The following LRRTM4 variants were observed in gnomAD, a reference collection of about 807,000 sequenced individuals.
The protein encoded by LRRTM4 is leucine-rich repeat transmembrane neuronal protein 4.
Under a neutral mutation model 47.6 loss-of-function variants are expected in LRRTM4, and 25 were observed. The ratio of observed to expected loss-of-function variants is 0.53; its 90% CI spans 0.38 to 0.73. The LOEUF is 0.73. LRRTM4 is among the 30% of genes least tolerant of loss of function. The pLI is 0.00. For missense variants in LRRTM4, 638 were observed against 713.4 expected (o/e 0.89, Z 1.20); for synonymous variants, 311 against 269.5 (o/e 1.15, Z -1.51).
intron 3 of LRRTM4, among the ~76,000 whole-genome samples, chr2:77,022,080 G>C (rs1216341005): frequency 6.6e-6 from 1 of 152,158 alleles, no homozygotes; most frequent in Non-Finnish European, 1.5e-5. Context: ...TGGACTTAAA[G>C]TTCCACATGG....
At chr2:76,995,228 A>C (rs1376816825) in intron 3 of LRRTM4, among the ~76,000 whole-genome samples, 1 of 152,078 alleles carries the variant, frequency 6.6e-6, no homozygotes, top group Non-Finnish European at 1.5e-5. Flanking sequence ...CTATGAATTA[A>C]GTTTACACAT....
At chr2:77,167,451 G>T (rs953604608) in intron 3 of LRRTM4, among the ~76,000 whole-genome samples, 5 of 151,982 alleles carry the variant, frequency 3.3e-5, no homozygotes, top group African/African-American at 1.2e-4. Flanking sequence ...CCCATTACTG[G>T]GTATATACCC....
At chr2:76,840,034 C>G (rs1671627004) in intron 3 of LRRTM4, among the ~76,000 whole-genome samples, 1 of 152,118 alleles carries the variant, frequency 6.6e-6, no homozygotes, top group Admixed American at 6.6e-5. Context: ...TGCCTAAATA[C>G]TGTTCTACTC....
chr2:77,261,843 C>T (rs1338933901), intron 3 of LRRTM4, among the ~76,000 whole-genome samples: 1 of 152,044 alleles, frequency 6.6e-6, no homozygotes, highest in Non-Finnish European at 1.5e-5. Flanking sequence ...CAGTAGAGGT[C>T]CTATACAACA....
intron 3 of LRRTM4, among the ~76,000 whole-genome samples, chr2:77,226,598 C>A (rs1456103265): frequency 6.7e-6 from 1 of 149,848 alleles, no homozygotes; most frequent in Non-Finnish European, 1.5e-5. Context: ...TGCACTTAAT[C>A]ATTTTTAAAG....
intron 3 of LRRTM4, among the ~76,000 whole-genome samples, chr2:76,948,710 T>C (rs1380192717): frequency 6.6e-6 from 1 of 151,816 alleles, no homozygotes; most frequent in East Asian, 1.9e-4. Context: ...AATATTACAA[T>C]AGCAACTGGA....
chr2:77,487,955 T>G (rs1347657018), intron 3 of LRRTM4, among the ~76,000 whole-genome samples: 1 of 152,186 alleles, frequency 6.6e-6, no homozygotes, highest in Non-Finnish European at 1.5e-5. Flanking sequence ...CACCCTCCAG[T>G]TGTCAGCATA....
intron 3 of LRRTM4, among the ~76,000 whole-genome samples, chr2:77,427,469 G>C (rs1342670153): frequency 1.3e-5 from 2 of 152,142 alleles, no homozygotes; most frequent in East Asian, 3.9e-4. Context: ...GGACATGTTT[G>C]CTAAGTGAAA....
intron 3 of LRRTM4, among the ~76,000 whole-genome samples, chr2:77,336,351 C>T (rs1671168961): frequency 6.6e-6 from 1 of 151,978 alleles, no homozygotes; most frequent in South Asian, 2.1e-4. Flanking sequence ...ACATTTTTGC[C>T]ACATCCTATG....
chr2:77,053,550 C>T (rs1679508976), intron 3 of LRRTM4, among the ~76,000 whole-genome samples: 1 of 152,024 alleles, frequency 6.6e-6, no homozygotes, highest in Non-Finnish European at 1.5e-5. Context: ...TTATTCCAGG[C>T]CTAAAATGAT....
At chr2:76,787,295 C>A (rs975265223) in intron 3 of LRRTM4, among the ~76,000 whole-genome samples, 1 of 152,070 alleles carries the variant, frequency 6.6e-6, no homozygotes, top group Non-Finnish European at 1.5e-5. Flanking sequence ...TTTGGATTTG[C>A]ATTATAAATA....
At chr2:77,300,935 T>A (rs1169070733) in intron 3 of LRRTM4, among the ~76,000 whole-genome samples, 1 of 151,490 alleles carries the variant, frequency 6.6e-6, no homozygotes, top group African/African-American at 2.4e-5. Flanking sequence ...CTAAATGGAA[T>A]TTTTTTTTAC....
chr2:76,769,538 A>C (rs1410549739), intron 3 of LRRTM4, among the ~76,000 whole-genome samples: 8 of 152,150 alleles, frequency 5.3e-5, no homozygotes, highest in Non-Finnish European at 1.2e-4. Flanking sequence ...AAAAAAACAA[A>C]AATAATAACG....
At chr2:77,469,030 G>A (rs1677087598) in intron 3 of LRRTM4, among the ~76,000 whole-genome samples, 1 of 152,212 alleles carries the variant, frequency 6.6e-6, no homozygotes, top group African/African-American at 2.4e-5. Context: ...TCCCATTGGT[G>A]CAGATGGAGC....
rs549120068 is a variant in LRRTM4 at position 76,936,934 on chromosome 2, G to A, written c.1552-188018C>T. Among the ~76,000 whole-genome samples, 14 of 102,292 alleles carry A rather than the reference G, an allele frequency of 1.4e-4. 1 individual carries two copies. Among genetic ancestry groups the A allele is most frequent in the South Asian group, 1.0e-3 (3 of 2,902 alleles). 67.1% of individuals were successfully genotyped at this position (102,292 alleles called of 152,430 possible). ...GGCATCACTGCACTCCAGCCTGGGC[G>A]ACAGAGCAAGACTCCATCTCAAAAA... is the stretch of plus-strand genomic sequence containing the variant. On this transcript the variant is annotated intron_variant, in intron 3 of 3. Transcript: ENST00000409884.
chr2:77,111,195 T>G (rs1012538493), intron 3 of LRRTM4, among the ~76,000 whole-genome samples: 1 of 151,890 alleles, frequency 6.6e-6, no homozygotes, highest in African/African-American at 2.4e-5. Context: ...CTGCAACCTC[T>G]GCCTCCCGGG....
At chr2:77,088,820 C>A (rs1181581152) in intron 3 of LRRTM4, among the ~76,000 whole-genome samples, 2 of 152,182 alleles carry the variant, frequency 1.3e-5, no homozygotes, top group African/African-American at 4.8e-5. Flanking sequence ...AGTTTCAAAT[C>A]CGGTAAGCGG....
At chr2:76,993,893 G>T (rs1330165529) in intron 3 of LRRTM4, among the ~76,000 whole-genome samples, 1 of 151,734 alleles carries the variant, frequency 6.6e-6, no homozygotes, top group East Asian at 1.9e-4. Context: ...AGAAAAATTT[G>T]GTACATATAC....
chr2:77,401,199 C>T lies in LRRTM4; in HGVS notation c.1551+117119G>A, dbSNP rs536039871. Among the ~76,000 whole-genome samples the T allele has an allele frequency of 1.7e-3, 260 of 151,992 alleles. 3 individuals are homozygous for T. The highest frequency in any genetic ancestry group is 6.0e-3 in the African/African-American group (248 of 41,500). On this transcript the variant is annotated intron_variant, in intron 3 of 3. Coordinates refer to ENST00000409884, the MANE Select transcript of LRRTM4 (RefSeq NM_001134745.3). ...TGTTAAAGATGCTAATTCTTGGGTC[C>T]CTCTGAATACCTGCTAAATCAGAAG...
Sources: allele counts gnomAD v4.1 joint callset (sites outside exome capture counted in the v4.1 genomes callset), GRCh38; gene constraint gnomAD v4.1.1; transcripts MANE v1.5; gene names NCBI Gene and HGNC (gene_info 2026-07-23, HGNC 2026-07-21).